Variants in CERS3 observed in about 807,000 individuals in gnomAD.
The protein encoded by CERS3 is ceramide synthase 3, also known as LAG1 homolog, ceramide synthase 3.
CERS3 carries 33 observed loss-of-function variants against 50.3 expected under a neutral mutation model. The ratio of observed to expected loss-of-function variants is 0.66; its 90% CI spans 0.50 to 0.88. CERS3 has a LOEUF of 0.88. CERS3 is among the 40% of genes least tolerant of loss of function. The pLI, the probability that CERS3 is intolerant of heterozygous loss-of-function variation, is 0.00. For synonymous variants in CERS3, 176 were observed against 155.2 expected (o/e 1.13, Z -0.99); for missense variants, 470 against 460.3 (o/e 1.02, Z -0.19).
At chr15:100,412,379 G>C (rs1309854409) in intron 11 of CERS3, among the ~76,000 whole-genome samples, 1 of 152,106 alleles carries the variant, frequency 6.6e-6, no homozygotes, top group South Asian at 2.1e-4. Flanking sequence ...ACATATGTGA[G>C]GGTTTATTTC....
intron 2 of CERS3, among the ~76,000 whole-genome samples, chr15:100,504,874 G>A (rs12899207): frequency 0.43 from 65,674 of 152,042 alleles, 14,838 homozygotes; most frequent in Middle Eastern, 0.51. Context: ...TGACCAAAAG[G>A]GGAATTTAGA....
At chr15:100,466,742 TTCC>T (rs1567638293) in intron 10 of CERS3, among the ~76,000 whole-genome samples, 32 of 22,176 alleles carry the variant, frequency 1.4e-3, no homozygotes, top group African/African-American at 2.7e-3. Context: ...CCTTCTTTCC[TTCC>T]TTCCTTCCTT....
At chr15:100,503,691 G>C (rs2036079073) in intron 2 of CERS3, 1 of 470,824 alleles carries the variant, frequency 2.1e-6, no homozygotes, top group Admixed American at 2.4e-5. Flanking sequence ...TCCCCACTTT[G>C]CTTCACCCGG....
intron 9 of CERS3, 113 bp from the exon 10 acceptor site, chr15:100,469,597 G>A: frequency 2.8e-6 from 2 of 713,180 alleles, no homozygotes; most frequent in Non-Finnish European, 4.7e-6. Flanking sequence ...AATCTGGGTG[G>A]AAAGTAGGGG....
intron 11 of CERS3, among the ~76,000 whole-genome samples, chr15:100,438,763 G>A (rs571458777): frequency 6.6e-6 from 1 of 152,366 alleles, no homozygotes; most frequent in Admixed American, 6.5e-5. Flanking sequence ...GTTTCTCCAT[G>A]CTGGCTTTTG....
intron 3 of CERS3, among the ~76,000 whole-genome samples, chr15:100,493,311 GGA>G (rs1199939687): frequency 6.6e-6 from 1 of 152,134 alleles, no homozygotes. Context: ...TCATTTTGAA[GGA>G]GAGTTTTGTT....
At chr15:100,527,230 G>A in intron 1 of CERS3, among the ~76,000 whole-genome samples, 1 of 152,196 alleles carries the variant, frequency 6.6e-6, no homozygotes. Flanking sequence ...CCAGGAGGCA[G>A]AGGTTTCAGA....
rs79228032 is a variant in CERS3, at chr15:100,534,267, T to C, written c.-354-5192A>G. Among the ~76,000 whole-genome samples the C allele has an allele frequency of 2.7e-4, 41 of 152,318 alleles. 1 individual carries two copies. In the East Asian group the frequency reaches 7.2e-3, roughly 27 times the overall value. The stretch of plus-strand genomic sequence containing the variant: ...ATTTTGTGCTCACTATGTGACCTTA[T>C]TCTTTTTAGCTGTGTGACTCCAGAC... On this transcript the variant is annotated intron_variant, in intron 1 of 12. Coordinates refer to the CERS3 transcript ENST00000284382.
rs556930008 is a variant in CERS3, at chr15:100,412,856, T to C, written c.1000-9991A>G. 4.6e-5 allele frequency among the ~76,000 whole-genome samples: 7 copies of C among 152,266 alleles called. No homozygotes were observed. The South Asian group carries it at 1.0e-3, about 23-fold the overall frequency. On this transcript the variant is annotated intron_variant, in intron 11 of 11. Transcript: ENST00000679737. ...TTAAAATTAGCTTTTAAGAGAAAAA[T>C]TAAGTTTTCATGTTAGACAGACTCC...
chr15:100,405,257 A>ATTTTT (rs2030919898), intron 11 of CERS3, among the ~76,000 whole-genome samples: 1 of 147,768 alleles, frequency 6.8e-6, no homozygotes, highest in Non-Finnish European at 1.5e-5. Context: ...AACAAAAAAA[A>ATTTTT]ACCCCTAATT....
chr15:100,450,673 C>T (rs1243629623), intron 11 of CERS3, among the ~76,000 whole-genome samples: 1 of 152,092 alleles, frequency 6.6e-6, no homozygotes, highest in East Asian at 1.9e-4. Context: ...CCCAAGTTTG[C>T]AAGAGATTTA....
At chr15:100,404,550 C>A (rs189130785) in intron 11 of CERS3, among the ~76,000 whole-genome samples, 2 of 152,222 alleles carry the variant, frequency 1.3e-5, no homozygotes, top group Admixed American at 1.3e-4. Context: ...TAATTATCCC[C>A]AAATTATCCT....
chr15:100,462,530 C>G (rs138453923), intron 10 of CERS3, among the ~76,000 whole-genome samples: 4 of 152,266 alleles, frequency 2.6e-5, no homozygotes, highest in Non-Finnish European at 5.9e-5. Context: ...TTCTAAATGA[C>G]TGGGTAGTTG....
chr15:100,413,695 A>T (rs2031666774), intron 11 of CERS3, among the ~76,000 whole-genome samples: 1 of 151,662 alleles, frequency 6.6e-6, no homozygotes, highest in Non-Finnish European at 1.5e-5. Flanking sequence ...AAAAAGAAAC[A>T]CTCATACATT....
At chr15:100,430,843 T>TC (rs928279378) in intron 11 of CERS3, among the ~76,000 whole-genome samples, 1 of 152,190 alleles carries the variant, frequency 6.6e-6, no homozygotes, top group Non-Finnish European at 1.5e-5. Context: ...TCCCCTTTTT[T>TC]CCCTCCTCAA....
chr15:100,409,108 G>C (rs180761312), intron 11 of CERS3, among the ~76,000 whole-genome samples: 1 of 152,270 alleles, frequency 6.6e-6, no homozygotes, highest in East Asian at 1.9e-4. Context: ...TATGAGGTTG[G>C]CTCTTCGTAT....
At chr15:100,489,306 C>T (rs534207475) in intron 4 of CERS3, among the ~76,000 whole-genome samples, 1 of 152,282 alleles carries the variant, frequency 6.6e-6, no homozygotes, top group Admixed American at 6.5e-5. Flanking sequence ...ATTAGCCGAA[C>T]GACCACTCAT....
chr15:100,441,461 G>A (rs1202390308), intron 11 of CERS3, among the ~76,000 whole-genome samples: 5 of 151,770 alleles, frequency 3.3e-5, no homozygotes, highest in Admixed American at 1.3e-4. Flanking sequence ...TTTCTGGAGG[G>A]TAAAAACACC....
At chr15:100,410,552 C>T (rs554503555) in intron 11 of CERS3, among the ~76,000 whole-genome samples, 3 of 152,298 alleles carry the variant, frequency 2.0e-5, no homozygotes, top group South Asian at 2.1e-4. Flanking sequence ...GGCATAGAGA[C>T]GAACTGCCTC....
Sources: allele counts gnomAD v4.1 joint callset (sites outside exome capture counted in the v4.1 genomes callset), GRCh38; gene constraint gnomAD v4.1.1; transcripts MANE v1.5; gene names NCBI Gene and HGNC (gene_info 2026-07-23, HGNC 2026-07-21).